FAM131B: variants seen among roughly 807,000 people sequenced by gnomAD.
The protein encoded by FAM131B is family with sequence similarity 131 member B.
Under a neutral mutation model 42.0 loss-of-function variants are expected in FAM131B, and 19 were observed. The observed-to-expected ratio is 0.45, with a 90% CI of 0.32 to 0.66. FAM131B has a LOEUF of 0.66. FAM131B is among the 30% of genes least tolerant of loss of function. The probability of loss-of-function intolerance (pLI) is 0.05; values close to 1 mark genes in which losing one functional copy is unlikely to be tolerated. For missense variants in FAM131B, 370 were observed against 468.4 expected, an observed-to-expected ratio of 0.79 and a Z score of 1.94; for synonymous variants, 183 against 177.6, an observed-to-expected ratio of 1.03 and a Z score of -0.24.
the FAM131B span, among the ~76,000 whole-genome samples, chr7:143,377,118 G>A: frequency 1.3e-5 from 2 of 151,956 alleles, no homozygotes; most frequent in Non-Finnish European, 1.5e-5. Flanking sequence ...CCACCAACCC[G>A]GCTTATGTTT....
rs1803655124 is a variant in FAM131B, at chr7:143,356,422, G to A, written c.*128C>T. On this transcript the variant is annotated 3_prime_UTR_variant, in exon 7 of 7. Coordinates refer to ENST00000443739, the MANE Select transcript of FAM131B (RefSeq NM_001031690.3). The surrounding 1 kb of genome is among the most constrained non-coding windows in gnomAD (Gnocchi z 4.4). ...TCCTGGTCCTCCATTTCCAGGAGAG[G>A]ACTGGAAGCTCCTGGGTTCCCCAAT... is the stretch of plus-strand genomic sequence containing the variant. 3.0e-6 allele frequency: 2 copies of A among 671,944 alleles called. No homozygotes were observed. Among genetic ancestry groups the A allele is most frequent in the African/African-American group, 3.6e-5 (2 of 55,550 alleles). The allele number at this position is 671,944 out of a possible 1,614,324, so 41.6% of individuals were successfully genotyped here. A position where few individuals can be genotyped will look rare whatever the true frequency, so the allele number is the denominator to read the frequency against.
At chr7:143,374,677 G>A in the FAM131B span, among the ~76,000 whole-genome samples, 1 of 152,156 alleles carries the variant, frequency 6.6e-6, no homozygotes, top group Non-Finnish European at 1.5e-5. Context: ...TGTACCTCCA[G>A]TGAGGAATCT....
At chr7:143,367,282 C>T (rs1563099806), upstream of FAM131B, among the ~76,000 whole-genome samples, 2 of 152,186 alleles carry the variant, frequency 1.3e-5, no homozygotes, top group Non-Finnish European at 2.9e-5. Context: ...CCTCACATTA[C>T]CAATCTCTGA....
the FAM131B span, chr7:143,381,828 G>A: frequency 3.4e-6 from 5 of 1,473,128 alleles, no homozygotes; most frequent in Non-Finnish European, 4.5e-6. Context: ...CCGGGGTGGG[G>A]GGCAGTCGTT....
chr7:143,364,969 C>A (rs114664910), upstream of FAM131B, among the ~76,000 whole-genome samples: 1,432 of 152,244 alleles, frequency 9.4e-3, 19 homozygotes, highest in African/African-American at 0.033. Flanking sequence ...TCGGTGGTAC[C>A]TGCAGGATTG....
chr7:143,362,430 G>A lies in FAM131B; in HGVS notation c.28+146C>T, dbSNP rs887797300. 1 of 352,126 alleles carries A rather than the reference G, an allele frequency of 2.8e-6. No homozygotes were observed. The highest frequency in any genetic ancestry group is 2.2e-5 in the African/African-American group (1 of 46,508). 21.8% of individuals were successfully genotyped at this position (352,126 alleles called of 1,614,324 possible). ...CAGGAAGGAGGGACAGAGGGACCGC[G>A]GGCGGACGGAAGGAAAGTGAAGGAG... On this transcript the variant is annotated intron_variant, in intron 1 of 6. Coordinates refer to ENST00000443739, the MANE Select transcript of FAM131B (RefSeq NM_001031690.3). This position sits in a 1 kb window ranked among gnomAD's most constrained non-coding sequence, Gnocchi z 7.7.
chr7:143,376,837 C>T, the FAM131B span, among the ~76,000 whole-genome samples: 1 of 152,198 alleles, frequency 6.6e-6, no homozygotes, highest in Non-Finnish European at 1.5e-5. Flanking sequence ...GATACAACGG[C>T]TCTTTCATTT....
At chr7:143,357,789 C>T (rs4076124) in intron 5 of FAM131B, among the ~76,000 whole-genome samples, 15,297 of 152,068 alleles carry the variant, frequency 0.1, 1,065 homozygotes, top group Non-Finnish European at 0.15. Context: ...TCTCAATAAC[C>T]ACATGAGGCC....
Position 143,358,513 on chromosome 7 carries a change from C to A in FAM131B, c.466+314G>T, listed in dbSNP as rs1803792500. On this transcript the variant is annotated intron_variant, in intron 5 of 6. Coordinates refer to ENST00000443739, the MANE Select transcript of FAM131B (RefSeq NM_001031690.3). This position sits in a 1 kb window ranked among gnomAD's most constrained non-coding sequence, Gnocchi z 4.7. ...CAAGGCCTTTCTTTCTTTCAAAGAC[C>A]AAGGTCTCCCCATTTTTTTCCCTGC... Among the ~76,000 whole-genome samples, 2 of 152,160 alleles carry A rather than the reference C, an allele frequency of 1.3e-5. No homozygotes were observed. Among genetic ancestry groups the A allele is most frequent in the Admixed American group, 6.5e-5 (1 of 15,280 alleles).
At chr7:143,369,892 C>G in the FAM131B span, among the ~76,000 whole-genome samples, 2 of 152,130 alleles carry the variant, frequency 1.3e-5, no homozygotes, top group Non-Finnish European at 2.9e-5. Flanking sequence ...GCATTGCTCT[C>G]CTGGGTGGGG....
Position 143,356,611 on chromosome 7 carries a change from G to T in FAM131B, c.1022C>A (p.Ser341Tyr). The T allele has an allele frequency of 6.2e-7, 1 of 1,614,052 alleles. No individual in the cohort carries two copies. The highest frequency in any genetic ancestry group is 1.1e-5 in the South Asian group (1 of 91,066). ...EMSTALSRKV[S>Y]DVTSSGVQSF... ...CTGCACACCTGAGGATGTGACGTCA[G>T]ACACCTTCCGGCTGAGAGCGGTAGA... The change falls in exon 7 of 7, where the codon TCT becomes TAT. Residue 341 changes from serine to tyrosine, a missense_variant. Ser to Tyr is a moderately radical substitution (Grantham distance 144, BLOSUM62 -2). Coordinates refer to ENST00000443739, the MANE Select transcript of FAM131B (RefSeq NM_001031690.3). The surrounding 1 kb of genome is among the most constrained non-coding windows in gnomAD (Gnocchi z 4.4).
chr7:143,369,674 CA>C, the FAM131B span, among the ~76,000 whole-genome samples: 21 of 135,180 alleles, frequency 1.6e-4, no homozygotes, highest in African/African-American at 4.5e-4. Context: ...GAATCCGTCT[CA>C]AAAAAAAAAA....
rs1804050261 is a variant in FAM131B at position 143,362,511 on chromosome 7, G to C, written c.28+65C>G. On this transcript the variant is annotated intron_variant, in intron 1 of 6. Transcript: ENST00000443739. This position sits in a 1 kb window ranked among gnomAD's most constrained non-coding sequence, Gnocchi z 7.7. ...CGCCCGGAGGCGCGAGGAGAGGGAT[G>C]GGGGAGGGGGTCGGAGGGCGGCCCG... is the stretch of plus-strand genomic sequence containing the variant. 1.4e-6 allele frequency: 1 copy of C among 712,012 alleles called. No homozygotes were observed. The highest frequency in any genetic ancestry group is 1.8e-5 in the African/African-American group (1 of 54,250). The allele number at this position is 712,012 out of a possible 1,614,324, so 44.1% of individuals were successfully genotyped here.
Position 143,358,039 on chromosome 7 carries a change from G to A in FAM131B, c.467-616C>T, listed in dbSNP as rs1563095693. ...AACAGAGAACCCCCAAGAGAGCATC[G>A]TGGGCTTGTGGGTCCACCATAATAT... On this transcript the variant is annotated intron_variant, in intron 5 of 6. Coordinates refer to ENST00000443739, the MANE Select transcript of FAM131B (RefSeq NM_001031690.3). The surrounding 1 kb of genome is among the most constrained non-coding windows in gnomAD (Gnocchi z 4.7). Among the ~76,000 whole-genome samples the A allele has an allele frequency of 2.0e-5, 3 of 152,306 alleles. No homozygotes were observed. Among genetic ancestry groups the A allele is most frequent in the East Asian group, 1.9e-4 (1 of 5,186 alleles).
chr7:143,361,316 A>T (rs1250667800), intron 1 of FAM131B: 1 of 112,192 alleles, frequency 8.9e-6, no homozygotes, highest in East Asian at 3.0e-4. Context: ...GGAATGGGGC[A>T]GGTGGAGAAG....
chr7:143,367,682 G>A (rs1047396290), upstream of FAM131B, among the ~76,000 whole-genome samples: 1 of 150,798 alleles, frequency 6.6e-6, no homozygotes, highest in African/African-American at 2.5e-5. Flanking sequence ...TCTAGCCTGG[G>A]TAACAGAGCA....
chr7:143,371,613 CAAAAAAAAAA>C, the FAM131B span, among the ~76,000 whole-genome samples: 4 of 75,012 alleles, frequency 5.3e-5, no homozygotes, highest in Admixed American at 1.6e-4. Flanking sequence ...GACCCTGTCT[CAAAAAAAAAA>C]AAAAAAAAAA....
At chr7:143,374,831 A>G in the FAM131B span, among the ~76,000 whole-genome samples, 1 of 152,192 alleles carries the variant, frequency 6.6e-6, no homozygotes, top group Admixed American at 6.5e-5. Context: ...CTTACCGTTC[A>G]GATCTCTGCT....
At chr7:143,372,886 G>A in the FAM131B span, among the ~76,000 whole-genome samples, 8 of 151,264 alleles carry the variant, frequency 5.3e-5, no homozygotes, top group African/African-American at 1.7e-4. Flanking sequence ...TTGAACCCGG[G>A]AGGCGGAGGT....
Sources: allele counts gnomAD v4.1 joint callset (sites outside exome capture counted in the v4.1 genomes callset), GRCh38; gene constraint gnomAD v4.1.1; non-coding constraint Gnocchi (gnomAD v3.1); transcripts MANE v1.5; gene names NCBI Gene and HGNC (gene_info 2026-07-23, HGNC 2026-07-21).